Variants in EP400 observed in about 807,000 individuals in gnomAD.
EP400 encodes E1A-binding protein p400.
In EP400, 105 loss-of-function variants were observed where a neutral mutation model predicts 354.1. The ratio of observed to expected loss-of-function variants is 0.30; its 90% CI spans 0.25 to 0.35. EP400 has a LOEUF of 0.35. EP400 is among the 10% of genes least tolerant of loss of function. EP400 has a pLI of 1.00. For synonymous variants in EP400, 1,646 were observed against 1,716.9 expected, an observed-to-expected ratio of 0.96 and a Z score of 1.02; for missense variants, 3,280 against 4,121.0, an observed-to-expected ratio of 0.80 and a Z score of 5.59.
chr12:132,018,444 G>A lies in EP400; in HGVS notation c.4277+68G>A. 2 of 1,531,432 alleles carry A rather than the reference G, an allele frequency of 1.3e-6. No individual in the cohort carries two copies. The highest frequency in any genetic ancestry group is 2.3e-5 in the East Asian group (1 of 44,252). 94.9% of individuals were successfully genotyped at this position (1,531,432 alleles called of 1,614,324 possible). ...GCCCCCACAGCTGACCCAGGTCTAT[G>A]CGTGGTGAAAAGAAAGGCTGCTAAT... On this transcript the variant is annotated intron_variant, in intron 21 of 52. Coordinates refer to ENST00000389561, the MANE Select transcript of EP400 (RefSeq NM_015409.5). This position sits in a 1 kb window ranked among gnomAD's most constrained non-coding sequence, Gnocchi z 4.0.
intron 45 of EP400, among the ~76,000 whole-genome samples, chr12:132,057,371 C>A (rs144910870): frequency 1.3e-5 from 2 of 152,326 alleles, no homozygotes; most frequent in East Asian, 3.9e-4. Context: ...CCATGGAGGA[C>A]TCTCAGATGC....
chr12:132,045,506 G>A lies in EP400; in HGVS notation c.6972G>A (p.Glu2324=), dbSNP rs767429655. Residue 2324 remains glutamate (E), a synonymous_variant, in exon 38 of 53, where the codon GAG becomes GAA. Coordinates refer to ENST00000389561, the MANE Select transcript of EP400 (RefSeq NM_015409.5). ...PLPTFAKPTA[E]PGQDNPEWLI... The stretch of plus-strand genomic sequence containing the variant: ...CAACTTTTGCCAAACCCACAGCTGA[G>A]CCTGGTCAAGACAACCCCGAGTGGC... 1.6e-5 allele frequency: 26 copies of A among 1,614,084 alleles called. No homozygotes were observed. Among genetic ancestry groups the A allele is most frequent in the East Asian group, 2.2e-5 (1 of 44,894 alleles).
At position 132,013,067 on chromosome 12, in the gene EP400, G is replaced by A. The variant is rs754441165; in HGVS notation, c.3500G>A (p.Arg1167Gln). 6.2e-6 allele frequency: 10 copies of A among 1,613,868 alleles called. No individual in the cohort carries two copies. The highest frequency in any genetic ancestry group is 2.2e-5 in the South Asian group (2 of 91,054). ...ATCACGTCCTACACTCAGTTCTTCC[G>A]GGGCCTCACCGCCTTCACACGAGTG... ...VCITSYTQFF[R>Q]GLTAFTRVRW... Residue 1167 changes from arginine to glutamine, a missense_variant, in exon 17 of 53, where the codon CGG (arginine) becomes CAG (glutamine). Arg to Gln is a conservative substitution (Grantham distance 43, BLOSUM62 1). Coordinates refer to ENST00000389561, the MANE Select transcript of EP400 (RefSeq NM_015409.5). The surrounding 1 kb of genome is among the most constrained non-coding windows in gnomAD (Gnocchi z 4.5).
intron 11 of EP400, among the ~76,000 whole-genome samples, chr12:131,993,445 G>T (rs1893108021): frequency 6.6e-6 from 1 of 152,210 alleles, no homozygotes; most frequent in Non-Finnish European, 1.5e-5. Context: ...TACCTGGAAA[G>T]GATTAGGTCA....
At position 132,029,358 on chromosome 12, in the gene EP400, T is replaced by C. The variant is rs1894407966; in HGVS notation, c.5382-343T>C. The C allele has an allele frequency of 5.7e-6, 2 of 350,450 alleles. No individual in the cohort carries two copies. Among genetic ancestry groups the C allele is most frequent in the African/African-American group, 2.1e-5 (1 of 48,430 alleles). The allele number at this position is 350,450 out of a possible 1,614,324, so 21.7% of individuals were successfully genotyped here. On this transcript the variant is annotated intron_variant, in intron 27 of 52. Transcript: ENST00000389561. The surrounding 1 kb of genome is among the most constrained non-coding windows in gnomAD (Gnocchi z 4.7). ...AGCAGTTCTAGGGTCCACGAGACAG[T>C]GCACCTTTGTCCCAAAGTTTCCAGC...
chr12:132,047,366 G>T (rs188066511), intron 39 of EP400, among the ~76,000 whole-genome samples: 5 of 152,294 alleles, frequency 3.3e-5, no homozygotes, highest in Admixed American at 2.6e-4. Context: ...GGGGGAACCT[G>T]CCCCCGATAG....
intron 37 of EP400, 139 bp from the exon 38 acceptor site, chr12:132,045,180 G>A: frequency 7.1e-7 from 1 of 1,406,972 alleles, no homozygotes; most frequent in Non-Finnish European, 9.5e-7. Flanking sequence ...CCGAAAGCAG[G>A]TCTGTCTTTG....
chr12:132,069,941 G>A (rs1042225062), intron 51 of EP400, among the ~76,000 whole-genome samples: 2 of 152,106 alleles, frequency 1.3e-5, no homozygotes, highest in African/African-American at 2.4e-5. Context: ...CCTTCCTGGT[G>A]TCTTTTTTAA....
intron 12 of EP400, among the ~76,000 whole-genome samples, chr12:131,995,359 C>G (rs1244888289): frequency 2.1e-5 from 3 of 139,820 alleles, no homozygotes; most frequent in African/African-American, 5.4e-5. Context: ...AACTTCATAC[C>G]AACGAATCCC....
intron 19 of EP400, among the ~76,000 whole-genome samples, chr12:132,016,431 C>T (rs138963200): frequency 6.6e-6 from 1 of 152,226 alleles, no homozygotes; most frequent in East Asian, 1.9e-4. Context: ...TGCAGTGGCA[C>T]GATCTGGGCT....
intron 30 of EP400, among the ~76,000 whole-genome samples, chr12:132,032,946 TTTTG>T (rs199752692): frequency 0.015 from 2,209 of 148,668 alleles, 50 homozygotes; most frequent in African/African-American, 0.052. Context: ...ATTATTATGT[TTTTG>T]TTTGTTTGTT....
chr12:132,057,507 C>T (rs760812771), intron 45 of EP400, among the ~76,000 whole-genome samples: 4 of 152,154 alleles, frequency 2.6e-5, no homozygotes, highest in Admixed American at 1.3e-4. Context: ...AATTCGAGAA[C>T]GTTGGGAGTG....
chr12:132,033,733 T>G (rs967370894), intron 30 of EP400, among the ~76,000 whole-genome samples: 1 of 152,078 alleles, frequency 6.6e-6, no homozygotes, highest in East Asian at 1.9e-4. Context: ...GGTTTTGCTG[T>G]GTTGCCCAGG....
intron 15 of EP400, among the ~76,000 whole-genome samples, chr12:132,009,489 G>C (rs1163032008): frequency 6.6e-6 from 1 of 152,202 alleles, no homozygotes; most frequent in Non-Finnish European, 1.5e-5. Flanking sequence ...ATGGGGCAGT[G>C]GGGGTGGGGG....
Position 132,062,261 on chromosome 12 carries a change from T to A in EP400, c.8036T>A (p.Val2679Asp), listed in dbSNP as rs746546914. The A allele has an allele frequency of 6.2e-7, 1 of 1,614,004 alleles. No individual in the cohort carries two copies. Among genetic ancestry groups the A allele is most frequent in the East Asian group, 2.2e-5 (1 of 44,888 alleles). Reference sequence around the variant, plus strand: ...ACTTCTGTGACAGCCTCGGCCGTGGTCACTACCAACCTGACCCCAGTGCAG... The same window carrying A: ...ACTTCTGTGACAGCCTCGGCCGTGGACACTACCAACCTGACCCCAGTGCAG... ...AVTSVTASAV[V>D]TTNLTPVQTP... Residue 2679 changes from valine to aspartate, a missense_variant, in exon 46 of 53, where the codon GTC becomes GAC. By Grantham distance (152) the Val-to-Asp change is radical. Coordinates refer to ENST00000389561, the MANE Select transcript of EP400 (RefSeq NM_015409.5).
chr12:131,979,370 C>T (rs1892602469), intron 2 of EP400, among the ~76,000 whole-genome samples: 4 of 152,256 alleles, frequency 2.6e-5, no homozygotes, highest in Middle Eastern at 3.4e-3. Context: ...TGAGATTTGT[C>T]TCAGAACTGA....
chr12:132,079,538 G>T lies in EP400; in HGVS notation c.*1865G>T, dbSNP rs375775028. On this transcript the variant is annotated 3_prime_UTR_variant, in exon 53 of 53. Transcript: ENST00000389561. ...TTTGTGTGCCCTGTTCATTTTTTTTGTCTTTCCCAAATCTTGGTAGTCTCC... is the reference window on the plus strand; with the variant it reads ...TTTGTGTGCCCTGTTCATTTTTTTTTTCTTTCCCAAATCTTGGTAGTCTCC... 353 of 152,146 alleles carry T rather than the reference G, an allele frequency of 2.3e-3. 2 individuals carry two copies. The highest frequency in any genetic ancestry group is 8.0e-3 in the African/African-American group (334 of 41,542). 9.4% of individuals were successfully genotyped at this position (152,146 alleles called of 1,614,324 possible). A position where few individuals can be genotyped will look rare whatever the true frequency, so the allele number is the denominator to read the frequency against.
intron 15 of EP400, among the ~76,000 whole-genome samples, 156 bp from the exon 16 acceptor site, chr12:132,011,342 A>G (rs982905461): frequency 1.3e-5 from 2 of 152,216 alleles, no homozygotes; most frequent in African/African-American, 4.8e-5. Flanking sequence ...CTGGCTCCAG[A>G]TGAATGCACT....
intron 45 of EP400, among the ~76,000 whole-genome samples, chr12:132,061,534 A>C (rs1275829527): frequency 6.6e-6 from 1 of 152,332 alleles, no homozygotes; most frequent in East Asian, 1.9e-4. Context: ...TTATGGTGGG[A>C]CAAGGAAGGA....
Sources: allele counts gnomAD v4.1 joint callset (sites outside exome capture counted in the v4.1 genomes callset), GRCh38; gene constraint gnomAD v4.1.1; non-coding constraint Gnocchi (gnomAD v3.1); transcripts MANE v1.5; gene names NCBI Gene and HGNC (gene_info 2026-07-23, HGNC 2026-07-21).